EHMT1: variants seen among roughly 807,000 people sequenced by gnomAD.
The protein encoded by EHMT1 is histone-lysine N-methyltransferase EHMT1.
Under a neutral mutation model 147.2 loss-of-function variants are expected in EHMT1, and 15 were observed. The ratio of observed to expected loss-of-function variants is 0.10; its 90% confidence interval spans 0.07 to 0.16. The LOEUF (loss-of-function observed/expected upper bound fraction) is 0.16, where lower values mean the gene tolerates loss of function less well. EHMT1 is among the 10% of genes least tolerant of loss of function. The pLI, the probability that EHMT1 is intolerant of heterozygous loss-of-function variation, is 1.00. For missense variants in EHMT1, 1,587 were observed against 1,772.4 expected (o/e 0.90, Z 1.88); for synonymous variants, 795 against 709.6 (o/e 1.12, Z -1.91).
rs769541191 is a variant in EHMT1, at chr9:137,790,854, G to A, written c.2389G>A (p.Ala797Thr). The stretch of plus-strand genomic sequence containing the variant: ...TGAACTGTTGTTTCACTAGGCGGGC[G>A]CTAATATTGACACCTGCTCAGAAGA... Reference protein sequence around the residue: ...DICHMLVQAGANIDTCSEDQR... With the variant: ...DICHMLVQAGTNIDTCSEDQR... Residue 797 changes from alanine to threonine, a missense_variant, in exon 16 of 27, where the codon GCT becomes ACT. Ala to Thr is a moderately conservative substitution (Grantham distance 58). Around this residue, in one of 7 missense-constraint regions of EHMT1, gnomAD observed 201 missense variants for 350.1 expected, o/e 0.57. Transcript: ENST00000460843. 5.6e-6 allele frequency: 9 copies of A among 1,614,002 alleles called. No individual in the cohort carries two copies. The highest frequency in any genetic ancestry group is 5.9e-6 in the Non-Finnish European group (7 of 1,180,030).
intron 16 of EHMT1, among the ~76,000 whole-genome samples, chr9:137,794,569 C>T (rs1459583429): frequency 6.6e-6 from 1 of 150,646 alleles, no homozygotes; most frequent in East Asian, 1.9e-4. Context: ...ATCACCTGAG[C>T]ACAGGAGTTT....
At chr9:137,743,297 TTACC>T in intron 4 of EHMT1, 70 bp from the exon 5 acceptor site, 1 of 1,518,410 alleles carries the variant, frequency 6.6e-7, no homozygotes, top group East Asian at 2.5e-5. Flanking sequence ...AAACTGTCTC[TTACC>T]TTTGAAAAAC....
At chr9:137,765,074 G>A (rs1465826089) in intron 10 of EHMT1, among the ~76,000 whole-genome samples, 10 of 152,238 alleles carry the variant, frequency 6.6e-5, no homozygotes. Flanking sequence ...TGCGGCGGCC[G>A]CCTGTCCGCC....
At position 137,716,850 on chromosome 9, in the gene EHMT1, G is replaced by T. The variant is rs369562168; in HGVS notation, c.310G>T (p.Ala104Ser). ...NGVSERDSEA[A>S]KQNHVTADDF... is the part of the protein sequence containing the mutation. ...GGTTTCAGAAAGAGACTCAGAAGCGGCGAAGCAAAACCACGTCACTGCCGA... is the reference window on the plus strand; with the variant it reads ...GGTTTCAGAAAGAGACTCAGAAGCGTCGAAGCAAAACCACGTCACTGCCGA... Residue 104 changes from alanine to serine, a missense_variant, in exon 3 of 27, where the codon GCG becomes TCG. Ala to Ser is a moderately conservative substitution (Grantham distance 99, BLOSUM62 1). Coordinates refer to ENST00000460843, the MANE Select transcript of EHMT1 (RefSeq NM_024757.5). 3 of 1,613,298 alleles carry T rather than the reference G, an allele frequency of 1.9e-6. No individual in the cohort carries two copies. The highest frequency in any genetic ancestry group is 2.5e-6 in the Non-Finnish European group (3 of 1,179,896).
intron 3 of EHMT1, among the ~76,000 whole-genome samples, chr9:137,717,626 A>AAAAAAAAGAG (rs1554847272): frequency 2.1e-5 from 3 of 140,254 alleles, no homozygotes; most frequent in African/African-American, 2.7e-5. Flanking sequence ...AAAAAAAAAA[A>AAAAAAAAGAG]GAGATGCTGC....
At chr9:137,670,726 C>T (rs1309909465) in intron 1 of EHMT1, among the ~76,000 whole-genome samples, 1 of 152,190 alleles carries the variant, frequency 6.6e-6, no homozygotes, top group East Asian at 1.9e-4. Flanking sequence ...CCAGTTCCTA[C>T]GGGCCTGTCT....
At chr9:137,626,191 T>C (rs1843244597) in intron 1 of EHMT1, among the ~76,000 whole-genome samples, 1 of 152,012 alleles carries the variant, frequency 6.6e-6, no homozygotes, top group Non-Finnish European at 1.5e-5. Flanking sequence ...TTATATTCTT[T>C]ACTGTTTTCT....
intron 1 of EHMT1, among the ~76,000 whole-genome samples, chr9:137,619,452 G>GGCCGGCCAACTTTGGAGC (rs1323654889): frequency 2.6e-5 from 4 of 152,054 alleles, no homozygotes; most frequent in Non-Finnish European, 5.9e-5. Flanking sequence ...AAAGTAGCGG[G>GGCCGGCCAACTTTGGAGC]GCCGGCCAAC....
intron 1 of EHMT1, among the ~76,000 whole-genome samples, chr9:137,632,508 G>T (rs112382327): frequency 6.6e-6 from 1 of 152,128 alleles, no homozygotes; most frequent in Non-Finnish European, 1.5e-5. Flanking sequence ...GGCTCGAGCA[G>T]TCCTCCCGCC....
rs771164065 is a variant in EHMT1, at chr9:137,815,902, G to C, written c.3259-45G>C. 6 of 1,479,394 alleles carry C rather than the reference G, an allele frequency of 4.1e-6. No homozygotes were observed. The Admixed American group carries it at 1.1e-4, about 28-fold the overall frequency. The allele number at this position is 1,479,394 out of a possible 1,614,324, so 91.6% of individuals were successfully genotyped here. Reference sequence around the variant, plus strand: ...ATGGGTTGATGTCAGTTCAATTAAAGAGTGAGTAACCTCTGCTGGGCCCTT... The same window carrying C: ...ATGGGTTGATGTCAGTTCAATTAAACAGTGAGTAACCTCTGCTGGGCCCTT... On this transcript the variant is annotated intron_variant, in intron 22 of 26. Transcript: ENST00000460843.
intron 10 of EHMT1, among the ~76,000 whole-genome samples, chr9:137,765,066 C>A (rs10867064): frequency 0.33 from 50,238 of 152,152 alleles, 8,581 homozygotes; most frequent in Admixed American, 0.43. Flanking sequence ...TGGGTTTCTG[C>A]GGCGGCCGCC....
At chr9:137,798,642 C>T (rs556076836) in intron 16 of EHMT1, among the ~76,000 whole-genome samples, 171 bp from the exon 17 acceptor site, 18 of 152,310 alleles carry the variant, frequency 1.2e-4, no homozygotes, top group Admixed American at 4.6e-4. Flanking sequence ...CTGCACACAG[C>T]GCTTGGACCT....
chr9:137,799,853 G>A (rs1370822388), intron 17 of EHMT1, among the ~76,000 whole-genome samples: 1 of 152,192 alleles, frequency 6.6e-6, no homozygotes, highest in Admixed American at 6.5e-5. Context: ...TCGGAGCCCC[G>A]CCTGGTCCCT....
chr9:137,663,499 A>C (rs1446785101), intron 1 of EHMT1, among the ~76,000 whole-genome samples: 1 of 152,232 alleles, frequency 6.6e-6, no homozygotes, highest in African/African-American at 2.4e-5. Flanking sequence ...AAGAAAAAGA[A>C]ACATAAACTA....
rs1954673830 is a variant in EHMT1 at position 137,813,625 on chromosome 9, C to T, written c.3180+95C>T. 1 of 1,552,688 alleles carries T rather than the reference C, an allele frequency of 6.4e-7. No individual in the cohort carries two copies. Among genetic ancestry groups the T allele is most frequent in the Non-Finnish European group, 8.8e-7 (1 of 1,142,852 alleles). On this transcript the variant is annotated intron_variant, in intron 21 of 26. Transcript: ENST00000460843. The surrounding 1 kb of genome is among the most constrained non-coding windows in gnomAD (Gnocchi z 4.9). ...GGTCCTGGGTTCTCACCACTCAGAG[C>T]AGGAGGGCTTATGGGGGGCTTCCCA...
intron 2 of EHMT1, among the ~76,000 whole-genome samples, chr9:137,712,080 C>G (rs990298848): frequency 1.7e-4 from 26 of 152,200 alleles, no homozygotes; most frequent in African/African-American, 6.0e-4. Context: ...CCACCTCCTG[C>G]GCCATCCACC....
chr9:137,779,981 T>C lies in EHMT1; in HGVS notation c.2275+264T>C, dbSNP rs368554830. Among the ~76,000 whole-genome samples the C allele has an allele frequency of 6.4e-4, 97 of 152,342 alleles. 1 individual carries two copies. In the Middle Eastern group the frequency reaches 0.034, roughly 53 times the overall value. On this transcript the variant is annotated intron_variant, in intron 14 of 26. Transcript: ENST00000460843. Reference sequence around the variant, plus strand: ...AAGGAATTGGTATGTGATTATTAAATCAAGCAGAAATAGAGATTAAGGAAA... The same window carrying C: ...AAGGAATTGGTATGTGATTATTAAACCAAGCAGAAATAGAGATTAAGGAAA...
intron 25 of EHMT1, among the ~76,000 whole-genome samples, chr9:137,827,286 C>T (rs933030930): frequency 2.6e-5 from 4 of 152,138 alleles, no homozygotes; most frequent in East Asian, 3.9e-4. Flanking sequence ...CCCACCCACC[C>T]GAGGCAGCAG....
At chr9:137,729,542 A>G (rs1946919268) in intron 4 of EHMT1, among the ~76,000 whole-genome samples, 1 of 151,908 alleles carries the variant, frequency 6.6e-6, no homozygotes, top group Non-Finnish European at 1.5e-5. Flanking sequence ...AGCCAACATC[A>G]TGCCACTGCA....
Sources: allele counts gnomAD v4.1 joint callset (sites outside exome capture counted in the v4.1 genomes callset), GRCh38; gene constraint gnomAD v4.1.1; regional missense constraint gnomAD v4.1.1; non-coding constraint Gnocchi (gnomAD v3.1); transcripts MANE v1.5; gene names NCBI Gene and HGNC (gene_info 2026-07-23, HGNC 2026-07-21).